DACT3: variants seen among roughly 807,000 people sequenced by gnomAD.
The protein encoded by DACT3 is dapper homolog 3.
A neutral mutation model predicts 19.6 loss-of-function variants in DACT3; 5 were observed. The observed-to-expected ratio is 0.26, with a 90% CI of 0.13 to 0.54. DACT3 has a LOEUF of 0.54. DACT3 is among the 20% of genes least tolerant of loss of function. The pLI is 0.95. For missense variants in DACT3, 908 were observed against 927.4 expected (o/e 0.98, Z 0.27); for synonymous variants, 454 against 428.1 (o/e 1.06, Z -0.75).
Position 46,649,718 on chromosome 19 carries a change from G to T in DACT3, c.654C>A (p.Pro218=). The part of the protein sequence containing the change: ...RRARAGPFLT[P]SPLHAVAMRS... ...GCATCGCCACGGCGTGCAGGGGGCTGGGCGTCAGAAAGGGCCCGGCGCGGG... is the reference window on the plus strand; with the variant it reads ...GCATCGCCACGGCGTGCAGGGGGCTTGGCGTCAGAAAGGGCCCGGCGCGGG... Residue 218 remains proline, a synonymous_variant, in exon 4 of 4, where the codon CCC becomes CCA. Coordinates refer to ENST00000391916, the MANE Select transcript of DACT3 (RefSeq NM_145056.3). 8.1e-7 allele frequency: 1 copy of T among 1,235,328 alleles called. No homozygotes were observed. Among genetic ancestry groups the T allele is most frequent in the East Asian group, 3.4e-5 (1 of 29,602 alleles). The allele number at this position is 1,235,328 out of a possible 1,614,324, so 76.5% of individuals were successfully genotyped here. A position where few individuals can be genotyped will look rare whatever the true frequency, so the allele number is the denominator to read the frequency against.
At chr19:46,654,180 C>T (rs367854569) in intron 1 of DACT3, 10 of 985,142 alleles carry the variant, frequency 1.0e-5, no homozygotes, top group East Asian at 1.1e-4. Context: ...CTTTCCTCAT[C>T]GCCATGAGAA....
chr19:46,659,032 T>C, intron 1 of DACT3: 1 of 940,532 alleles, frequency 1.1e-6, no homozygotes, highest in Non-Finnish European at 1.3e-6. Context: ...TTGAAGGAAG[T>C]GTATTCCTGG....
chr19:46,656,858 C>T (rs1303518114), intron 1 of DACT3, among the ~76,000 whole-genome samples: 1 of 152,132 alleles, frequency 6.6e-6, no homozygotes, highest in African/African-American at 2.4e-5. Flanking sequence ...GACTGAGTCC[C>T]ATTCCCAGAG....
At chr19:46,652,636 G>C (rs1220780870) in intron 3 of DACT3, 24 bp downstream of exon 3, 1 of 1,548,312 alleles carries the variant, frequency 6.5e-7, no homozygotes. Flanking sequence ...CCTGGCCCCA[G>C]GGCCCCACCC....
At position 46,660,813 on chromosome 19, in the gene DACT3, T is replaced by C; in HGVS notation, c.249+3A>G. On this transcript the variant is annotated splice_donor_region_variant and intron_variant, in intron 1 of 3. Transcript: ENST00000391916. This position sits in a 1 kb window ranked among gnomAD's most constrained non-coding sequence, Gnocchi z 4.9. ...AGGGACGGACGGACAGGCAGCCCCT[T>C]ACCAGCTGCTCCTCCAGGGCCGCTG... 1 of 1,497,622 alleles carries C rather than the reference T, an allele frequency of 6.7e-7. No individual in the cohort carries two copies. Among genetic ancestry groups the C allele is most frequent in the Non-Finnish European group, 8.9e-7 (1 of 1,129,408 alleles). The allele number at this position is 1,497,622 out of a possible 1,614,324, so 92.8% of individuals were successfully genotyped here.
intron 3 of DACT3, chr19:46,652,216 C>T (rs2052992524): frequency 5.9e-6 from 1 of 170,336 alleles, no homozygotes; most frequent in Admixed American, 6.1e-5. Flanking sequence ...TATTTTGAGA[C>T]AGAGTCTTGC....
Position 46,660,493 on chromosome 19 carries a change from A to C in DACT3, c.249+323T>G. The C allele has an allele frequency of 3.2e-6, 1 of 308,114 alleles. No homozygotes were observed. The highest frequency in any genetic ancestry group is 6.0e-6 in the Non-Finnish European group (1 of 167,404). The allele number at this position is 308,114 out of a possible 1,614,324, so 19.1% of individuals were successfully genotyped here. ...CCCGTTTCCCAAGCCGCAAGAAGACAACGCCTGCAAAGTACCCGGTCTCGG... is the reference window on the plus strand; with the variant it reads ...CCCGTTTCCCAAGCCGCAAGAAGACCACGCCTGCAAAGTACCCGGTCTCGG... On this transcript the variant is annotated intron_variant, in intron 1 of 3. Transcript: ENST00000391916. This position sits in a 1 kb window ranked among gnomAD's most constrained non-coding sequence, Gnocchi z 4.9.
Position 46,649,735 on chromosome 19 carries a change from C to G in DACT3, c.637G>C (p.Gly213Arg). The G allele has an allele frequency of 7.9e-7, 1 of 1,259,274 alleles. No individual in the cohort carries two copies. Among genetic ancestry groups the G allele is most frequent in the Non-Finnish European group, 1.0e-6 (1 of 1,002,780 alleles). 78.0% of individuals were successfully genotyped at this position (1,259,274 alleles called of 1,614,324 possible). A position where few individuals can be genotyped will look rare whatever the true frequency, so the allele number is the denominator to read the frequency against. ...AGGGGGCTGGGCGTCAGAAAGGGCC[C>G]GGCGCGGGCCCGCCGCTCCGCCGAG... The part of the protein sequence containing the change: ...CSSAERRARA[G>R]PFLTPSPLHA... Residue 213 changes from glycine (G) to arginine (R), a missense_variant, in exon 4 of 4, where the codon GGG becomes CGG. Transcript: ENST00000391916.
chr19:46,657,747 T>A (rs1362180162), intron 1 of DACT3, among the ~76,000 whole-genome samples: 1 of 152,078 alleles, frequency 6.6e-6, no homozygotes, highest in African/African-American at 2.4e-5. Flanking sequence ...GTTTCCATTG[T>A]TTAATTAAAA....
At chr19:46,659,501 G>A (rs1399357015) in intron 1 of DACT3, 9 of 984,546 alleles carry the variant, frequency 9.1e-6, no homozygotes, top group African/African-American at 1.8e-5. Context: ...GGGAGCTAGC[G>A]AAGGCCCCCA....
At chr19:46,653,096 G>A (rs1599790503) in intron 1 of DACT3, 21 bp from the exon 2 acceptor site, 16 of 1,550,296 alleles carry the variant, frequency 1.0e-5, no homozygotes, top group Non-Finnish European at 1.3e-5. Flanking sequence ...AGGGAGAGAA[G>A]GATGGTCAGA....
In DACT3 at chr19:46,649,375, C is replaced by T. The variant is rs1227302489; in HGVS notation, c.997G>A (p.Ala333Thr). ...GCGGGCGGCGCAGCGGGCTCGGGTG[C>T]CGCCTCCGACTCCCACGACGACGCC... ...AWASSWESEAAPEPAAPPAAP... is the reference protein window; with the variant it reads ...AWASSWESEATPEPAAPPAAP... Residue 333 changes from alanine (A) to threonine (T), a missense_variant, in exon 4 of 4, where the codon GCA becomes ACA. By Grantham distance (58) the Ala-to-Thr change is moderately conservative. Coordinates refer to ENST00000391916, the MANE Select transcript of DACT3 (RefSeq NM_145056.3). 4 of 1,271,580 alleles carry T rather than the reference C, an allele frequency of 3.1e-6. No homozygotes were observed. Among genetic ancestry groups the T allele is most frequent in the Admixed American group, 3.6e-5 (1 of 27,764 alleles). 78.8% of individuals were successfully genotyped at this position (1,271,580 alleles called of 1,614,324 possible).
rs376685073 is a variant in DACT3, at chr19:46,648,457, G to A, written c.*25C>T. 1.2e-3 allele frequency: 1,934 copies of A among 1,613,724 alleles called. 5 individuals carry two copies. The highest frequency in any genetic ancestry group is 1.4e-3 in the Non-Finnish European group (1,704 of 1,179,818). ...GTGTGGAGGTGCAGAGGCCATGAAG[G>A]GGGAGCCCAAGCAAATCCCCAAACT... On this transcript the variant is annotated 3_prime_UTR_variant, in exon 4 of 4. Transcript: ENST00000391916. The surrounding 1 kb of genome is among the most constrained non-coding windows in gnomAD (Gnocchi z 5.1).
At chr19:46,653,213 TC>T (rs2053003954) in intron 1 of DACT3, 138 bp from the exon 2 acceptor site, 14 of 1,285,306 alleles carry the variant, frequency 1.1e-5, no homozygotes, top group Non-Finnish European at 1.5e-5. Context: ...AGTACCTCAG[TC>T]CCAGGACCCC....
rs1027907452 is a variant in DACT3 at position 46,649,644 on chromosome 19, C to A, written c.728G>T (p.Gly243Val). The change falls in exon 4 of 4, where the codon GGG becomes GTG. Residue 243 changes from glycine (G) to valine (V), a missense_variant. Gly to Val is a moderately radical substitution (Grantham distance 109). Coordinates refer to ENST00000391916, the MANE Select transcript of DACT3 (RefSeq NM_145056.3). ...GRPPTDSPDAGGAGRPLDGYI... is the reference protein window; with the variant it reads ...GRPPTDSPDAVGAGRPLDGYI... ...GCCGTCCAGGGGCCGCCCTGCGCCC[C>A]CCGCGTCGGGCGAGTCGGTGGGAGG... is the stretch of plus-strand genomic sequence containing the variant. 3 of 1,149,686 alleles carry A rather than the reference C, an allele frequency of 2.6e-6. No homozygotes were observed. The highest frequency in any genetic ancestry group is 4.4e-5 in the East Asian group (1 of 22,552). The allele number at this position is 1,149,686 out of a possible 1,614,324, so 71.2% of individuals were successfully genotyped here. A position where few individuals can be genotyped will look rare whatever the true frequency, so the allele number is the denominator to read the frequency against.
In DACT3 at chr19:46,649,335, G is replaced by T; in HGVS notation, c.1037C>A (p.Pro346His). The T allele has an allele frequency of 8.0e-7, 1 of 1,242,582 alleles. No individual in the cohort carries two copies. Among genetic ancestry groups the T allele is most frequent in the South Asian group, 2.3e-5 (1 of 42,624 alleles). The allele number at this position is 1,242,582 out of a possible 1,614,324, so 77.0% of individuals were successfully genotyped here. A position where few individuals can be genotyped will look rare whatever the true frequency, so the allele number is the denominator to read the frequency against. ...CAAGCGGCCCTCAGCCGGGCTGTCG[G>T]GGGGTGAGGGGGCGGCGGGCGGCGC... ...PAAPPAAPSP[P>H]DSPAEGRLVK... Residue 346 changes from proline (P) to histidine (H), a missense_variant, in exon 4 of 4, where the codon CCC becomes CAC. Transcript: ENST00000391916.
At chr19:46,659,076 C>G in intron 1 of DACT3, 1 of 984,864 alleles carries the variant, frequency 1.0e-6, no homozygotes, top group Non-Finnish European at 1.2e-6. Flanking sequence ...AGTCATAAGA[C>G]AAGGGTTGGG....
intron 1 of DACT3, chr19:46,654,069 C>T: frequency 1.0e-5 from 10 of 985,382 alleles, no homozygotes; most frequent in Non-Finnish European, 1.2e-5. Flanking sequence ...TCTAGCCTTA[C>T]TGGTACTGCA....
intron 1 of DACT3, chr19:46,654,305 G>T: frequency 1.4e-6 from 1 of 715,892 alleles, no homozygotes; most frequent in Non-Finnish European, 1.7e-6. Context: ...GGCCAATATG[G>T]TGAAACCTTG....
Sources: allele counts gnomAD v4.1 joint callset (sites outside exome capture counted in the v4.1 genomes callset), GRCh38; gene constraint gnomAD v4.1.1; non-coding constraint Gnocchi (gnomAD v3.1); transcripts MANE v1.5; gene names NCBI Gene and HGNC (gene_info 2026-07-23, HGNC 2026-07-21).